Variants in BMPR1B observed in about 807,000 individuals in gnomAD.
BMPR1B encodes the protein bone morphogenetic protein receptor type-1B.
In BMPR1B, 12 loss-of-function variants were observed where a neutral mutation model predicts 59.1. The ratio of observed to expected loss-of-function variants is 0.20; its 90% CI spans 0.13 to 0.33. The LOEUF is 0.33. BMPR1B is among the 10% of genes least tolerant of loss of function. The pLI is 1.00. For synonymous variants in BMPR1B, 237 were observed against 207.3 expected, an observed-to-expected ratio of 1.14 and a Z score of -1.23; for missense variants, 550 against 610.9, an observed-to-expected ratio of 0.90 and a Z score of 1.05.
chr4:94,947,914 A>G (rs1246853609), intron 2 of BMPR1B, among the ~76,000 whole-genome samples: 1 of 152,252 alleles, frequency 6.6e-6, no homozygotes, highest in Non-Finnish European at 1.5e-5. Flanking sequence ...GATTCAGACC[A>G]TATTATGACT....
At chr4:94,847,913 AAG>A (rs909320993) in intron 1 of BMPR1B, among the ~76,000 whole-genome samples, 6 of 152,140 alleles carry the variant, frequency 3.9e-5, no homozygotes, top group African/African-American at 1.4e-4. Flanking sequence ...AAAAAACTAA[AAG>A]AGTATAATTG....
At chr4:94,907,613 C>A (rs954764180) in intron 2 of BMPR1B, among the ~76,000 whole-genome samples, 4 of 151,942 alleles carry the variant, frequency 2.6e-5, no homozygotes, top group African/African-American at 7.2e-5. Flanking sequence ...CTTACCAGAA[C>A]CTCTAGGTAG....
At chr4:94,902,072 TGTGTGTGTGTGTGTGG>T (rs1352466717) in intron 2 of BMPR1B, among the ~76,000 whole-genome samples, 2 of 130,528 alleles carry the variant, frequency 1.5e-5, no homozygotes, top group African/African-American at 2.6e-5. Flanking sequence ...TGTGTGTGTG[TGTGTGTGTGTGTGTGG>T]GGTGTATTTA....
chr4:95,114,674 T>TGA (rs1731886137), intron 4 of BMPR1B, 46 bp from the exon 5 acceptor site: 2 of 1,428,128 alleles, frequency 1.4e-6, no homozygotes, highest in Non-Finnish European at 2.0e-6. Flanking sequence ...ACACACTGAC[T>TGA]CACACACACA....
At chr4:95,054,730 C>T (rs768314083) in intron 3 of BMPR1B, among the ~76,000 whole-genome samples, 5 of 152,088 alleles carry the variant, frequency 3.3e-5, no homozygotes, top group Non-Finnish European at 5.9e-5. Context: ...TGTTCACTAC[C>T]ATTCTTCTTA....
chr4:95,128,937 T>G (rs1733097513), intron 8 of BMPR1B, among the ~76,000 whole-genome samples: 1 of 152,146 alleles, frequency 6.6e-6, no homozygotes. Flanking sequence ...TAATCTTCTC[T>G]CATTCTCTTT....
In BMPR1B at chr4:94,837,498, G is replaced by T. The variant is rs1325082363; in HGVS notation, c.-182-38333G>T. Among the ~76,000 whole-genome samples, 3 of 145,164 alleles carry T rather than the reference G, an allele frequency of 2.1e-5. 1 individual carries two copies. Among genetic ancestry groups the T allele is most frequent in the Non-Finnish European group, 3.1e-5 (2 of 65,468 alleles). On this transcript the variant is annotated intron_variant, in intron 1 of 12. Transcript: ENST00000515059. ...CATCCCTTGGAAGTTGGATTCCTGG[G>T]TATTTTATTGTCTTTGAAGCAATTG...
At chr4:94,968,498 C>A (rs1465877113) in intron 2 of BMPR1B, among the ~76,000 whole-genome samples, 1 of 152,032 alleles carries the variant, frequency 6.6e-6, no homozygotes, top group African/African-American at 2.4e-5. Context: ...AGCCGAATGT[C>A]AATGAGAAAA....
chr4:94,788,140 A>G (rs1230541466), intron 1 of BMPR1B, among the ~76,000 whole-genome samples: 1 of 152,144 alleles, frequency 6.6e-6, no homozygotes, highest in African/African-American at 2.4e-5. Flanking sequence ...AAGCTCTCCC[A>G]GGTAAGAGGT....
rs111752744 is a variant in BMPR1B at position 94,759,087 on chromosome 4, T to C, written c.-183+1019T>C. ...AAGAGCCTCTGGAAGTTGTCCGCTG[T>C]GGTGCGGGTCTTACTTCTTTAGAGC... On this transcript the variant is annotated intron_variant, in intron 1 of 12. Transcript: ENST00000515059. Among the ~76,000 whole-genome samples the C allele has an allele frequency of 5.7e-3, 865 of 152,336 alleles. 3 individuals are homozygous for C. The highest frequency in any genetic ancestry group is 0.02 in the African/African-American group (831 of 41,584).
chr4:94,879,633 T>C (rs1726879266), intron 2 of BMPR1B, among the ~76,000 whole-genome samples: 1 of 152,132 alleles, frequency 6.6e-6, no homozygotes, highest in African/African-American at 2.4e-5. Context: ...ATAAATAAAA[T>C]ACATTTGGTT....
intron 1 of BMPR1B, among the ~76,000 whole-genome samples, chr4:94,872,382 G>C (rs1726535720): frequency 6.6e-6 from 1 of 152,166 alleles, no homozygotes; most frequent in Non-Finnish European, 1.5e-5. Context: ...AAGCAATAGA[G>C]TATAAAAGCC....
chr4:94,932,429 GA>G (rs1729125969), intron 2 of BMPR1B, among the ~76,000 whole-genome samples: 1 of 152,092 alleles, frequency 6.6e-6, no homozygotes. Context: ...TGCATCTTTT[GA>G]AACACTTTAA....
chr4:95,104,871 A>G (rs1467145893), intron 4 of BMPR1B, among the ~76,000 whole-genome samples: 1 of 151,918 alleles, frequency 6.6e-6, no homozygotes, highest in East Asian at 1.9e-4. Context: ...TGGTCCCCAC[A>G]ATTAGTTAAA....
chr4:95,101,794 G>A (rs892570478), intron 3 of BMPR1B, among the ~76,000 whole-genome samples: 15 of 152,152 alleles, frequency 9.9e-5, no homozygotes, highest in African/African-American at 3.4e-4. Context: ...TGGCATATGA[G>A]AAGATTGTCA....
chr4:94,975,357 G>GTTTTTTTTTTTTT, intron 2 of BMPR1B, among the ~76,000 whole-genome samples: 1 of 94,220 alleles, frequency 1.1e-5, no homozygotes, highest in Non-Finnish European at 2.0e-5. Context: ...ATTTCCTTTT[G>GTTTTTTTTTTTTT]TTTTTGTTTT....
chr4:94,914,271 A>G (rs1728396221), intron 2 of BMPR1B, among the ~76,000 whole-genome samples: 1 of 152,134 alleles, frequency 6.6e-6, no homozygotes, highest in Admixed American at 6.6e-5. Context: ...GATGAGGCCT[A>G]CCCACTAAGA....
At chr4:94,830,146 T>C (rs1410461968) in intron 1 of BMPR1B, among the ~76,000 whole-genome samples, 5 of 152,198 alleles carry the variant, frequency 3.3e-5, no homozygotes, top group Admixed American at 2.6e-4. Context: ...TGCATATGTT[T>C]GTTACAGTAA....
At chr4:94,985,118 A>T (rs2149091571) in intron 2 of BMPR1B, among the ~76,000 whole-genome samples, 1 of 152,210 alleles carries the variant, frequency 6.6e-6, no homozygotes, top group Admixed American at 6.5e-5. Flanking sequence ...AATGAATCTG[A>T]AAGGACAGGG....
Sources: gnomAD v4.1 joint callset for allele counts (sites outside exome capture counted in the v4.1 genomes callset) on GRCh38, gnomAD v4.1.1 for gene constraint, MANE v1.5 for transcripts, NCBI Gene and HGNC (gene_info 2026-07-23, HGNC 2026-07-21) for gene names.